MACROH2A1: variants seen among roughly 807,000 people sequenced by gnomAD.
MACROH2A1 encodes the protein core histone macro-H2A.1.
MACROH2A1 carries 2 observed loss-of-function variants against 31.6 expected under a neutral mutation model. That is an observed-to-expected ratio of 0.06 (90% confidence interval 0.03 to 0.20). MACROH2A1 has a LOEUF of 0.20. Among genes scored for constraint, MACROH2A1 ranks in the 10% least tolerant of loss-of-function variants. The probability of loss-of-function intolerance (pLI) is 1.00; values close to 1 mark genes in which losing one functional copy is unlikely to be tolerated. For missense variants in MACROH2A1, 230 were observed against 474.0 expected (o/e 0.49, Z 4.78); for synonymous variants, 169 against 189.6 (o/e 0.89, Z 0.89).
chr5:135,364,599 C>T (rs1763259237), intron 4 of MACROH2A1, among the ~76,000 whole-genome samples: 1 of 152,152 alleles, frequency 6.6e-6, no homozygotes, highest in Admixed American at 6.5e-5. Context: ...GACACTCGCC[C>T]AGCTTTGTTC....
chr5:135,369,639 G>C lies in MACROH2A1; in HGVS notation c.280-36C>G. The stretch of plus-strand genomic sequence containing the variant: ...AACCAGAATAGCAGATAGTGAGCCA[G>C]ATACCCTGCTTCTAACCTTCAAGAA... On this transcript the variant is annotated intron_variant, in intron 3 of 8. Transcript: ENST00000511689. The surrounding 1 kb of genome is among the most constrained non-coding windows in gnomAD (Gnocchi z 4.3). The C allele has an allele frequency of 1.3e-6, 2 of 1,537,102 alleles. No homozygotes were observed. Among genetic ancestry groups the C allele is most frequent in the South Asian group, 1.1e-5 (1 of 89,578 alleles).
At chr5:135,395,018 C>T (rs973021638) in intron 1 of MACROH2A1, among the ~76,000 whole-genome samples, 9 of 152,164 alleles carry the variant, frequency 5.9e-5, no homozygotes, top group Non-Finnish European at 1.3e-4. Flanking sequence ...GGAGCCCAGA[C>T]ACTCAAAATT....
chr5:135,389,748 A>G (rs1311985874), intron 1 of MACROH2A1, among the ~76,000 whole-genome samples: 1 of 152,068 alleles, frequency 6.6e-6, no homozygotes, highest in Non-Finnish European at 1.5e-5. Flanking sequence ...CACCCAGTCC[A>G]GAGGAAAACC....
intron 5 of MACROH2A1, chr5:135,354,757 A>G (rs1027992113): frequency 2.9e-5 from 9 of 305,156 alleles, no homozygotes; most frequent in Admixed American, 9.3e-5. Context: ...CTCAGGATTT[A>G]GAACAAGGCA....
intron 8 of MACROH2A1, 52 bp from the exon 9 acceptor site, chr5:135,335,193 G>C (rs1465444876): frequency 7.0e-7 from 1 of 1,430,734 alleles, no homozygotes; most frequent in Non-Finnish European, 9.8e-7. Flanking sequence ...GGGGGCTGCA[G>C]GACCTGCCCC....
intron 1 of MACROH2A1, among the ~76,000 whole-genome samples, chr5:135,397,028 C>T (rs1336987318): frequency 6.6e-6 from 1 of 152,092 alleles, no homozygotes; most frequent in East Asian, 1.9e-4. Context: ...AGGAATGGGG[C>T]TCTGAAAAGG....
rs1361653422 is a variant in MACROH2A1, at chr5:135,398,804, G to A, written c.-34+258C>T. ...CACAAAAGCGCCCAGGCGCGGGCAG[G>A]GGGATGCGTTTCGAAGAGAAGTTGG... On this transcript the variant is annotated intron_variant, in intron 1 of 8. Coordinates refer to ENST00000511689, the MANE Select transcript of MACROH2A1 (RefSeq NM_138610.3). The surrounding 1 kb of genome is among the most constrained non-coding windows in gnomAD (Gnocchi z 4.6). Among the ~76,000 whole-genome samples, 1 of 152,346 alleles carries A rather than the reference G, an allele frequency of 6.6e-6. No homozygotes were observed. Among genetic ancestry groups the A allele is most frequent in the South Asian group, 2.1e-4 (1 of 4,834 alleles).
intron 2 of MACROH2A1, among the ~76,000 whole-genome samples, chr5:135,386,641 G>A (rs1431802075): frequency 6.6e-6 from 1 of 152,172 alleles, no homozygotes; most frequent in Non-Finnish European, 1.5e-5. Flanking sequence ...GTGAGCCACT[G>A]AGTCAACGTC....
At chr5:135,374,448 T>C (rs530632955) in intron 2 of MACROH2A1, among the ~76,000 whole-genome samples, 88 of 152,352 alleles carry the variant, frequency 5.8e-4, no homozygotes, top group African/African-American at 2.1e-3. Flanking sequence ...GGCAAAGTCA[T>C]GGAGGCCCCA....
At chr5:135,356,969 A>G (rs370515649) in intron 5 of MACROH2A1, 1 of 152,302 alleles carries the variant, frequency 6.6e-6, no homozygotes, top group South Asian at 2.1e-4. Flanking sequence ...AAATGCAGTT[A>G]TTTTCCTGTC....
intron 5 of MACROH2A1, chr5:135,359,095 C>G (rs1437402755): frequency 1.0e-6 from 1 of 985,228 alleles, no homozygotes; most frequent in Non-Finnish European, 1.2e-6. Flanking sequence ...TTTAGTTCAT[C>G]CAGCAAGGGA....
intron 4 of MACROH2A1, among the ~76,000 whole-genome samples, chr5:135,363,825 T>C (rs1230807596): frequency 1.3e-5 from 2 of 152,254 alleles, no homozygotes; most frequent in African/African-American, 2.4e-5. Flanking sequence ...CCACATCCTC[T>C]TCAGCACCTG....
intron 2 of MACROH2A1, among the ~76,000 whole-genome samples, 180 bp from the exon 3 acceptor site, chr5:135,370,322 AG>A (rs1362165975): frequency 6.6e-6 from 1 of 152,230 alleles, no homozygotes; most frequent in East Asian, 1.9e-4. Flanking sequence ...AGTGGGACCT[AG>A]GAAGCCCCAG....
chr5:135,355,201 C>G (rs1387212142), intron 5 of MACROH2A1: 1 of 455,932 alleles, frequency 2.2e-6, no homozygotes, highest in African/African-American at 2.0e-5. Context: ...ATGGGATTCT[C>G]TGGGGGAAAC....
intron 8 of MACROH2A1, 161 bp downstream of exon 8, chr5:135,343,099 C>T: frequency 6.6e-7 from 1 of 1,509,592 alleles, no homozygotes; most frequent in Non-Finnish European, 8.9e-7. Context: ...TGTCCCTCAC[C>T]ATCATTTAAT....
chr5:135,337,627 G>C (rs1337692597), intron 8 of MACROH2A1, among the ~76,000 whole-genome samples: 2 of 152,252 alleles, frequency 1.3e-5, no homozygotes, highest in Admixed American at 1.3e-4. Flanking sequence ...ACAACAGTTT[G>C]ATTCAGCAGG....
intron 5 of MACROH2A1, chr5:135,358,265 G>A (rs1762417584): frequency 2.0e-6 from 2 of 985,154 alleles, no homozygotes; most frequent in African/African-American, 1.7e-5. Context: ...TGCTGCAGGG[G>A]TGTAGGATTC....
chr5:135,346,934 GC>G (rs1161147764), intron 6 of MACROH2A1: 2 of 152,216 alleles, frequency 1.3e-5, no homozygotes, highest in African/African-American at 4.8e-5. Context: ...ATGTGGGATA[GC>G]AAGTGGCAAT....
At chr5:135,344,885 C>CA (rs1197764235) in intron 7 of MACROH2A1, 1 of 152,226 alleles carries the variant, frequency 6.6e-6, no homozygotes, top group Non-Finnish European at 1.5e-5. Flanking sequence ...GGCTGCCTAC[C>CA]AGGCCTTGTG....
Sources: allele counts gnomAD v4.1 joint callset (sites outside exome capture counted in the v4.1 genomes callset), GRCh38; gene constraint gnomAD v4.1.1; non-coding constraint Gnocchi (gnomAD v3.1); transcripts MANE v1.5; gene names NCBI Gene and HGNC (gene_info 2026-07-23, HGNC 2026-07-21).